Variants in UBE2E2 observed in about 807,000 individuals in gnomAD.
The protein encoded by UBE2E2 is ubiquitin-conjugating enzyme E2 E2.
Under a neutral mutation model 24.7 loss-of-function variants are expected in UBE2E2, and 6 were observed. The ratio of observed to expected loss-of-function variants is 0.24; its 90% CI spans 0.13 to 0.48. The LOEUF is 0.48. UBE2E2 is among the 20% of genes least tolerant of loss of function. The pLI is 0.99. For synonymous variants in UBE2E2, 104 were observed against 83.6 expected (o/e 1.24, Z -1.33); for missense variants, 169 against 245.0 (o/e 0.69, Z 2.07).
At chr3:23,302,161 C>A (rs530611991) in intron 3 of UBE2E2, among the ~76,000 whole-genome samples, 13 of 152,254 alleles carry the variant, frequency 8.5e-5, no homozygotes, top group African/African-American at 3.1e-4. Flanking sequence ...TCTGTGATGT[C>A]CCTTCCAGCC....
chr3:23,588,295 A>G (rs1253972454), intron 5 of UBE2E2, among the ~76,000 whole-genome samples: 1 of 152,196 alleles, frequency 6.6e-6, no homozygotes, highest in Non-Finnish European at 1.5e-5. Context: ...GGGAAATATA[A>G]ATCGGGGAAA....
intron 3 of UBE2E2, among the ~76,000 whole-genome samples, chr3:23,425,980 T>C (rs984450571): frequency 6.6e-6 from 1 of 152,174 alleles, no homozygotes; most frequent in Non-Finnish European, 1.5e-5. Flanking sequence ...ATTAAAATAC[T>C]AAGGGCTCTA....
intron 3 of UBE2E2, among the ~76,000 whole-genome samples, chr3:23,381,385 A>G (rs1696668123): frequency 6.7e-6 from 1 of 149,748 alleles, no homozygotes; most frequent in Non-Finnish European, 1.5e-5. Context: ...TCCATGGAGA[A>G]GAAAAAAATG....
At chr3:23,528,926 A>T in intron 4 of UBE2E2, among the ~76,000 whole-genome samples, 1 of 152,276 alleles carries the variant, frequency 6.6e-6, no homozygotes, top group East Asian at 1.9e-4. Context: ...TTATCTGCCT[A>T]TTCTACCACA....
chr3:23,265,204 T>C (rs983622408), intron 3 of UBE2E2, among the ~76,000 whole-genome samples: 2 of 152,106 alleles, frequency 1.3e-5, no homozygotes, highest in East Asian at 3.9e-4. Context: ...GAATTGAAGA[T>C]TAGAAAAGCA....
chr3:23,349,500 G>A (rs372993736), intron 3 of UBE2E2, among the ~76,000 whole-genome samples: 1 of 152,274 alleles, frequency 6.6e-6, no homozygotes, highest in South Asian at 2.1e-4. Context: ...GGTGACAGAC[G>A]GCACCTGGAA....
At chr3:23,477,188 C>T (rs576369246) in intron 3 of UBE2E2, among the ~76,000 whole-genome samples, 42 of 152,100 alleles carry the variant, frequency 2.8e-4, no homozygotes, top group Non-Finnish European at 4.7e-4. Flanking sequence ...AATCCTTAGC[C>T]AGCTGTGAAT....
At chr3:23,273,406 C>T (rs1312670921) in intron 3 of UBE2E2, among the ~76,000 whole-genome samples, 2 of 152,048 alleles carry the variant, frequency 1.3e-5, no homozygotes, top group Non-Finnish European at 2.9e-5. Context: ...TGGCGGACGC[C>T]TGTAGTCCCA....
chr3:23,507,357 A>C (rs1694481069), intron 4 of UBE2E2, among the ~76,000 whole-genome samples: 1 of 152,094 alleles, frequency 6.6e-6, no homozygotes, highest in Non-Finnish European at 1.5e-5. Context: ...TTGTTTATTT[A>C]TTATGTTTCC....
chr3:23,510,089 A>G (rs1694557471), intron 4 of UBE2E2, among the ~76,000 whole-genome samples: 1 of 152,184 alleles, frequency 6.6e-6, no homozygotes, highest in South Asian at 2.1e-4. Flanking sequence ...GTAAGGTAGC[A>G]GCCTCTTAGA....
intron 3 of UBE2E2, among the ~76,000 whole-genome samples, chr3:23,257,630 G>A (rs893663743): frequency 4.9e-5 from 7 of 143,602 alleles, no homozygotes; most frequent in African/African-American, 1.8e-4. Flanking sequence ...CTCAGCCTCC[G>A]TAGTAGCTGG....
intron 5 of UBE2E2, among the ~76,000 whole-genome samples, chr3:23,544,271 A>G (rs1241633137): frequency 6.6e-6 from 1 of 152,178 alleles, no homozygotes; most frequent in Non-Finnish European, 1.5e-5. Context: ...TAAACAGACA[A>G]CCCACAGAAT....
At chr3:23,349,552 G>C (rs1410095274) in intron 3 of UBE2E2, among the ~76,000 whole-genome samples, 1 of 152,244 alleles carries the variant, frequency 6.6e-6, no homozygotes, top group Non-Finnish European at 1.5e-5. Context: ...TTTCTGACGG[G>C]CTTAAAAAAC....
At chr3:23,377,253 G>A (rs1338273601) in intron 3 of UBE2E2, among the ~76,000 whole-genome samples, 1 of 152,102 alleles carries the variant, frequency 6.6e-6, no homozygotes, top group African/African-American at 2.4e-5. Flanking sequence ...ACCTGAAAAA[G>A]TGATAAAATT....
chr3:23,409,221 A>G (rs181500178), intron 3 of UBE2E2, among the ~76,000 whole-genome samples: 20 of 152,316 alleles, frequency 1.3e-4, no homozygotes, highest in Non-Finnish European at 1.6e-4. Context: ...TAAAAATTCA[A>G]CACAACATCA....
At chr3:23,241,071 T>A (rs1697247251) in intron 3 of UBE2E2, among the ~76,000 whole-genome samples, 1 of 152,218 alleles carries the variant, frequency 6.6e-6, no homozygotes, top group African/African-American at 2.4e-5. Flanking sequence ...CCAAAACAAC[T>A]TCTGCTTCCC....
intron 3 of UBE2E2, among the ~76,000 whole-genome samples, chr3:23,340,370 AT>A (rs1486519691): frequency 6.6e-6 from 1 of 151,982 alleles, no homozygotes; most frequent in Non-Finnish European, 1.5e-5. Context: ...TATGCACTAT[AT>A]TTTTTTCTTC....
chr3:23,412,246 A>T (rs1306838925), intron 3 of UBE2E2, among the ~76,000 whole-genome samples: 1 of 152,144 alleles, frequency 6.6e-6, no homozygotes, highest in Non-Finnish European at 1.5e-5. Flanking sequence ...TTTCATTTTC[A>T]CTGTCTTAAA....
rs59243406 is a variant in UBE2E2 at position 23,571,280 on chromosome 3, CTTTTTTTTTTTTTTT to C, written c.509-18441_509-18427del. 6.7e-4 allele frequency among the ~76,000 whole-genome samples: 20 copies of C among 29,884 alleles called. 1 individual carries two copies. The South Asian group carries it at 0.018, about 27-fold the overall frequency. 19.6% of individuals were successfully genotyped at this position (29,884 alleles called of 152,430 possible). ...AGTCCCCTCACCTGTGTGCTCCTTT[CTTTTTTTTTTTTTTT>C]TTTTTTTTTTTTGAGACAGAGTCTC... is the stretch of plus-strand genomic sequence containing the variant. On this transcript the variant is annotated intron_variant, in intron 5 of 5. Coordinates refer to ENST00000396703, the MANE Select transcript of UBE2E2 (RefSeq NM_152653.4).
Sources: gnomAD v4.1 joint callset for allele counts (sites outside exome capture counted in the v4.1 genomes callset) on GRCh38, gnomAD v4.1.1 for gene constraint, MANE v1.5 for transcripts, NCBI Gene and HGNC (gene_info 2026-07-23, HGNC 2026-07-21) for gene names.